CPED1: variants seen among roughly 807,000 people sequenced by gnomAD.
CPED1 encodes cadherin-like and PC-esterase domain-containing protein 1.
Under a neutral mutation model 128.2 loss-of-function variants are expected in CPED1, and 114 were observed. The ratio of observed to expected loss-of-function variants is 0.89; its 90% confidence interval spans 0.76 to 1.04. CPED1 has a LOEUF of 1.04. Among genes scored for constraint, CPED1 ranks in the 50% least tolerant of loss-of-function variants. CPED1 has a pLI of 0.00. For missense variants in CPED1, 1,211 were observed against 1,207.1 expected (o/e 1.00, Z -0.05); for synonymous variants, 462 against 426.7 (o/e 1.08, Z -1.02).
At chr7:121,278,485 G>A (rs921021934) in intron 22 of CPED1, among the ~76,000 whole-genome samples, 1 of 152,046 alleles carries the variant, frequency 6.6e-6, no homozygotes, top group African/African-American at 2.4e-5. Context: ...CTTCACATTC[G>A]GTGTTGTCAT....
chr7:121,183,496 A>C (rs1796940208), intron 16 of CPED1, among the ~76,000 whole-genome samples: 1 of 152,166 alleles, frequency 6.6e-6, no homozygotes, highest in Non-Finnish European at 1.5e-5. Context: ...ATTTTAGATG[A>C]CTGACAGTCT....
chr7:121,136,908 GAAAAGA>G (rs1795796373), intron 14 of CPED1, among the ~76,000 whole-genome samples: 2 of 151,662 alleles, frequency 1.3e-5, no homozygotes, highest in African/African-American at 4.8e-5. Flanking sequence ...GTCTCCAAAA[GAAAAGA>G]AAAAGAAAAA....
chr7:121,251,040 G>C (rs1325172675), intron 18 of CPED1, among the ~76,000 whole-genome samples: 1 of 152,176 alleles, frequency 6.6e-6, no homozygotes. Context: ...CAATATCCTT[G>C]ATGAACATTG....
chr7:121,283,991 G>C (rs1436330547), intron 22 of CPED1, among the ~76,000 whole-genome samples: 1 of 152,150 alleles, frequency 6.6e-6, no homozygotes, highest in Non-Finnish European at 1.5e-5. Flanking sequence ...TACTCTCACT[G>C]TATTAGTCCG....
At chr7:121,273,040 G>T (rs1367237915) in intron 22 of CPED1, among the ~76,000 whole-genome samples, 2 of 151,740 alleles carry the variant, frequency 1.3e-5, no homozygotes, top group Admixed American at 1.3e-4. Context: ...TCTGTTATTT[G>T]CTCTAGGAGA....
chr7:121,227,457 A>G (rs1348644402), intron 16 of CPED1, among the ~76,000 whole-genome samples: 5 of 152,098 alleles, frequency 3.3e-5, no homozygotes, highest in East Asian at 1.9e-4. Flanking sequence ...GAAAAGACAT[A>G]AAGCAATGCA....
chr7:121,096,113 A>G (rs890688391), intron 5 of CPED1, among the ~76,000 whole-genome samples: 1 of 152,140 alleles, frequency 6.6e-6, no homozygotes, highest in Non-Finnish European at 1.5e-5. Context: ...AAATTAACTT[A>G]ATGGCTGTTC....
At chr7:121,254,942 T>G (rs910523175) in intron 18 of CPED1, among the ~76,000 whole-genome samples, 9 of 149,776 alleles carry the variant, frequency 6.0e-5, no homozygotes, top group African/African-American at 9.8e-5. Context: ...AAACAAGACC[T>G]GACCCAGATG....
intron 2 of CPED1, among the ~76,000 whole-genome samples, chr7:121,002,630 G>A (rs1040477512): frequency 2.6e-5 from 4 of 152,008 alleles, no homozygotes; most frequent in African/African-American, 9.7e-5. Context: ...GGGAGTATAT[G>A]AAGATAGGGA....
intron 3 of CPED1, among the ~76,000 whole-genome samples, chr7:121,033,395 A>G (rs948294703): frequency 6.6e-6 from 1 of 152,176 alleles, no homozygotes; most frequent in Non-Finnish European, 1.5e-5. Flanking sequence ...AAAGTTCATC[A>G]CCTAGATGTC....
At chr7:120,993,170 C>A (rs1424286677) in intron 2 of CPED1, among the ~76,000 whole-genome samples, 1 of 152,158 alleles carries the variant, frequency 6.6e-6, no homozygotes, top group Non-Finnish European at 1.5e-5. Context: ...GATGTGTTGT[C>A]TTCATCAAAG....
At chr7:121,011,879 G>A (rs757578906) in intron 2 of CPED1, among the ~76,000 whole-genome samples, 8 of 151,960 alleles carry the variant, frequency 5.3e-5, no homozygotes, top group African/African-American at 1.7e-4. Context: ...ATGGAATTTC[G>A]AATATAAAGT....
intron 16 of CPED1, among the ~76,000 whole-genome samples, chr7:121,159,327 A>G (rs1796360613): frequency 1.3e-5 from 2 of 152,152 alleles, no homozygotes; most frequent in African/African-American, 4.8e-5. Context: ...TCAAAACTGC[A>G]CCAGAATCTG....
At chr7:121,250,738 A>G (rs1388262088) in intron 18 of CPED1, among the ~76,000 whole-genome samples, 7 of 152,086 alleles carry the variant, frequency 4.6e-5, no homozygotes, top group African/African-American at 1.7e-4. Flanking sequence ...TAAATTCCTC[A>G]ACACATACAC....
chr7:121,244,271 AG>A lies in CPED1; in HGVS notation c.2244del (p.Gln748HisfsTer10). The A allele has an allele frequency of 6.2e-7, 1 of 1,614,154 alleles. No homozygotes were observed. Among genetic ancestry groups the A allele is most frequent in the Non-Finnish European group, 8.5e-7 (1 of 1,179,996 alleles). On this transcript the variant is annotated frameshift_variant, in exon 18 of 23. Coordinates refer to ENST00000310396, the MANE Select transcript of CPED1 (RefSeq NM_024913.5). LOFTEE classifies it high-confidence loss of function. ...TGTGACTGGAGAGAAATAACCTGGC[AG>A]CCCCACAACTGCCAATATGGTGTCC... ...RTCDWREITW[Q>X]PHNCQYGVLT...
intron 22 of CPED1, among the ~76,000 whole-genome samples, chr7:121,291,705 G>A (rs1275676544): frequency 1.3e-5 from 2 of 152,204 alleles, no homozygotes; most frequent in Non-Finnish European, 2.9e-5. Context: ...TTTGGGCTGA[G>A]ATGATGGGGT....
intron 3 of CPED1, among the ~76,000 whole-genome samples, chr7:121,021,695 G>T (rs984648210): frequency 6.6e-6 from 1 of 151,802 alleles, no homozygotes; most frequent in African/African-American, 2.4e-5. Context: ...ACATAACCCT[G>T]GGCAAGTAAC....
chr7:121,168,575 CTT>C (rs935238415), intron 16 of CPED1, among the ~76,000 whole-genome samples: 2 of 152,146 alleles, frequency 1.3e-5, no homozygotes, highest in Non-Finnish European at 2.9e-5. Context: ...AAGCATTTAA[CTT>C]TTGAGTTACA....
Position 121,140,840 on chromosome 7 carries a change from A to G in CPED1, c.1713A>G (p.Pro571=), listed in dbSNP as rs1221020428. Residue 571 remains proline, a synonymous_variant, in exon 15 of 23, where the codon CCA becomes CCG. Coordinates refer to ENST00000310396, the MANE Select transcript of CPED1 (RefSeq NM_024913.5). ...TTTTTTTAACAGATGAAAACACACC[A>G]TGTCATATCAAGCAGATCTTCACAC... ...EIHCSDDENT[P]CHIKQIFTHP... is the part of the protein sequence containing the mutation. 5.0e-6 allele frequency: 8 copies of G among 1,611,414 alleles called. No homozygotes were observed. The highest frequency in any genetic ancestry group is 6.8e-6 in the Non-Finnish European group (8 of 1,178,586).
Sources: gnomAD v4.1 joint callset for allele counts (sites outside exome capture counted in the v4.1 genomes callset) on GRCh38, gnomAD v4.1.1 for gene constraint, MANE v1.5 for transcripts, NCBI Gene and HGNC (gene_info 2026-07-23, HGNC 2026-07-21) for gene names.